NKAIN2: variants seen among roughly 807,000 people sequenced by gnomAD.
NKAIN2 encodes the protein sodium/potassium-transporting ATPase subunit beta-1-interacting protein 2.
Under a neutral mutation model 32.6 loss-of-function variants are expected in NKAIN2, and 14 were observed. That is an observed-to-expected ratio of 0.43 (90% CI 0.28 to 0.67). NKAIN2 has a LOEUF of 0.67. Among genes scored for constraint, NKAIN2 ranks in the 30% least tolerant of loss-of-function variants. NKAIN2 has a pLI of 0.17. For missense variants in NKAIN2, 198 were observed against 258.3 expected, an observed-to-expected ratio of 0.77 and a Z score of 1.60; for synonymous variants, 80 against 87.2, an observed-to-expected ratio of 0.92 and a Z score of 0.46.
intron 1 of NKAIN2, among the ~76,000 whole-genome samples, chr6:123,826,215 C>A (rs902158408): frequency 3.9e-5 from 6 of 152,092 alleles, no homozygotes; most frequent in African/African-American, 1.4e-4. Context: ...TTTTTGCCTT[C>A]AGAATGGCCA....
chr6:124,745,740 C>A (rs910075129), intron 4 of NKAIN2, among the ~76,000 whole-genome samples: 1 of 151,926 alleles, frequency 6.6e-6, no homozygotes, highest in South Asian at 2.1e-4. Context: ...TCTGTGTATT[C>A]TTTAGACATC....
At chr6:124,713,187 C>T (rs539594151) in intron 4 of NKAIN2, among the ~76,000 whole-genome samples, 1 of 152,218 alleles carries the variant, frequency 6.6e-6, no homozygotes, top group East Asian at 1.9e-4. Flanking sequence ...GATTATGCTT[C>T]CTGTTACATA....
chr6:123,979,815 T>G (rs892522220), intron 1 of NKAIN2, among the ~76,000 whole-genome samples: 4 of 152,186 alleles, frequency 2.6e-5, no homozygotes, highest in Non-Finnish European at 5.9e-5. Context: ...CTCATTTGAA[T>G]AGGTAATGAG....
At chr6:124,652,469 C>T (rs1285876143) in intron 3 of NKAIN2, among the ~76,000 whole-genome samples, 1 of 152,200 alleles carries the variant, frequency 6.6e-6, no homozygotes, top group Non-Finnish European at 1.5e-5. Context: ...CATTACCTAG[C>T]TCTCAATCGT....
At chr6:124,475,499 A>G (rs1777161872) in intron 3 of NKAIN2, among the ~76,000 whole-genome samples, 2 of 152,192 alleles carry the variant, frequency 1.3e-5, no homozygotes, top group South Asian at 4.1e-4. Context: ...TGCTAATGAA[A>G]TGTTCCTTAG....
intron 3 of NKAIN2, among the ~76,000 whole-genome samples, chr6:124,476,413 G>C (rs947457963): frequency 2.6e-4 from 31 of 118,446 alleles, no homozygotes; most frequent in African/African-American, 1.1e-3. Flanking sequence ...GTGTGTGTGT[G>C]TGTGTGTGTG....
intron 4 of NKAIN2, among the ~76,000 whole-genome samples, chr6:124,717,663 C>T (rs926564744): frequency 2.0e-5 from 3 of 152,046 alleles, no homozygotes; most frequent in East Asian, 1.9e-4. Context: ...AAAACCATCC[C>T]TTCGTAATTA....
intron 4 of NKAIN2, among the ~76,000 whole-genome samples, chr6:124,774,184 G>A (rs1778885046): frequency 6.6e-6 from 1 of 152,208 alleles, no homozygotes; most frequent in Non-Finnish European, 1.5e-5. Context: ...GGGGAGACGA[G>A]TTAGGAGGCT....
At chr6:124,610,067 C>T (rs929932839) in intron 3 of NKAIN2, among the ~76,000 whole-genome samples, 5 of 152,156 alleles carry the variant, frequency 3.3e-5, no homozygotes, top group Admixed American at 6.5e-5. Context: ...TGAAGTCATA[C>T]CTGAGCTGGA....
At chr6:124,240,892 G>C (rs1344586536) in intron 1 of NKAIN2, among the ~76,000 whole-genome samples, 3 of 151,998 alleles carry the variant, frequency 2.0e-5, no homozygotes, top group African/African-American at 7.2e-5. Context: ...TTCTGGCTGG[G>C]GTAATCAGGC....
chr6:124,007,963 A>G (rs768573967), intron 1 of NKAIN2, among the ~76,000 whole-genome samples: 11 of 152,146 alleles, frequency 7.2e-5, no homozygotes, highest in Non-Finnish European at 1.5e-4. Flanking sequence ...GGGATAACAG[A>G]TCAAAAGTGA....
chr6:124,325,482 A>G (rs903525196), intron 2 of NKAIN2, among the ~76,000 whole-genome samples: 1 of 152,088 alleles, frequency 6.6e-6, no homozygotes, highest in African/African-American at 2.4e-5. Flanking sequence ...AATAACTAAA[A>G]AAACAGGAAA....
chr6:124,751,250 C>G (rs997889290), intron 4 of NKAIN2, among the ~76,000 whole-genome samples: 13 of 152,018 alleles, frequency 8.6e-5, no homozygotes, highest in African/African-American at 3.1e-4. Context: ...AGAATGGTCT[C>G]TGGGTCCTTA....
chr6:124,532,549 A>G (rs761582669), intron 3 of NKAIN2, among the ~76,000 whole-genome samples: 39 of 152,126 alleles, frequency 2.6e-4, no homozygotes, highest in Non-Finnish European at 5.3e-4. Context: ...ACCTCTTTCC[A>G]TGAAGAGATG....
At chr6:124,026,266 A>C (rs1009896434) in intron 1 of NKAIN2, among the ~76,000 whole-genome samples, 1 of 152,204 alleles carries the variant, frequency 6.6e-6, no homozygotes, top group Non-Finnish European at 1.5e-5. Flanking sequence ...CAGGACTTTC[A>C]GCCAGGACCC....
intron 3 of NKAIN2, among the ~76,000 whole-genome samples, chr6:124,442,386 A>G (rs996658712): frequency 2.6e-5 from 4 of 151,900 alleles, no homozygotes; most frequent in Admixed American, 1.3e-4. Context: ...TCTTATGTCC[A>G]TGTAGTAAGC....
chr6:124,129,939 T>A (rs963294583), intron 1 of NKAIN2, among the ~76,000 whole-genome samples: 1 of 152,174 alleles, frequency 6.6e-6, no homozygotes, highest in Admixed American at 6.5e-5. Flanking sequence ...TTTTTTAAAC[T>A]TTTTTATAAT....
At chr6:123,900,548 T>TTG (rs1774527076) in intron 1 of NKAIN2, among the ~76,000 whole-genome samples, 1 of 102,342 alleles carries the variant, frequency 9.8e-6, no homozygotes, top group Non-Finnish European at 1.7e-5. Flanking sequence ...TTTTTTTTTT[T>TTG]TTTTTTTTTT....
rs148305152 is a variant in NKAIN2, at chr6:124,126,267, C to T, written c.55-156738C>T. ...CTGGAATCTAATCCTATCATGTTTT[C>T]GCTTCCTCTTGTCCTCACCTTGTAG... is the stretch of plus-strand genomic sequence containing the variant. On this transcript the variant is annotated intron_variant, in intron 1 of 6. Coordinates refer to ENST00000368417, the MANE Select transcript of NKAIN2 (RefSeq NM_001040214.3). Among the ~76,000 whole-genome samples the T allele has an allele frequency of 7.7e-3, 1,175 of 152,272 alleles. 17 individuals are homozygous for T. The highest frequency in any genetic ancestry group is 0.027 in the African/African-American group (1,134 of 41,568).
Sources: gnomAD v4.1 joint callset for allele counts (sites outside exome capture counted in the v4.1 genomes callset) on GRCh38, gnomAD v4.1.1 for gene constraint, MANE v1.5 for transcripts, NCBI Gene and HGNC (gene_info 2026-07-23, HGNC 2026-07-21) for gene names.